Variants in TRPM2 observed in about 807,000 individuals in gnomAD.
The protein encoded by TRPM2 is transient receptor potential cation channel subfamily M member 2, also known as estrogen-responsive element-associated gene 1 protein.
TRPM2 carries 161 observed loss-of-function variants against 174.0 expected under a neutral mutation model. The observed-to-expected ratio is 0.93, with a 90% CI of 0.81 to 1.05. The LOEUF (loss-of-function observed/expected upper bound fraction) is 1.05. Ranked by LOEUF, TRPM2 falls within the 50% of genes least tolerant of loss-of-function variation. The pLI, the probability that TRPM2 is intolerant of heterozygous loss-of-function variation, is 0.00. For missense variants in TRPM2, 2,057 were observed against 2,038.0 expected, an observed-to-expected ratio of 1.01 and a Z score of -0.18; for synonymous variants, 954 against 861.3, an observed-to-expected ratio of 1.11 and a Z score of -1.88.
intron 24 of TRPM2, 183 bp from the exon 25 acceptor site, chr21:44,425,487 C>T (rs1340115070): frequency 4.4e-5 from 27 of 609,294 alleles, no homozygotes; most frequent in Non-Finnish European, 1.8e-5. Flanking sequence ...GCTCCCGTGG[C>T]TGTCCTCCCT....
At chr21:44,350,563 G>A (rs2047913193), upstream of TRPM2, among the ~76,000 whole-genome samples, 1 of 142,424 alleles carries the variant, frequency 7.0e-6, no homozygotes, top group African/African-American at 2.6e-5. Context: ...GGGCGCTGGT[G>A]CAGGGCACGG....
intron 9 of TRPM2, among the ~76,000 whole-genome samples, chr21:44,383,580 C>G (rs1374103249): frequency 6.6e-6 from 1 of 152,202 alleles, no homozygotes; most frequent in Non-Finnish European, 1.5e-5. Flanking sequence ...AAACCTCACA[C>G]AAACAGCGAG....
In TRPM2 at chr21:44,439,464, T is replaced by C. The variant is rs117622388; in HGVS notation, c.4269+296T>C. Among the ~76,000 whole-genome samples the C allele has an allele frequency of 2.6e-5, 4 of 152,244 alleles. No individual in the cohort carries two copies. Among genetic ancestry groups the C allele is most frequent in the Non-Finnish European group, 5.9e-5 (4 of 68,012 alleles). On this transcript the variant is annotated intron_variant, in intron 30 of 31. Transcript: ENST00000397928. This position sits in a 1 kb window ranked among gnomAD's most constrained non-coding sequence, Gnocchi z 5.1. ...CCTTGCTGCCTTCGAGTGTGACAGC[T>C]GCTTGGAGGCCTGGTGCCGCCCTCC... is the stretch of plus-strand genomic sequence containing the variant.
intron 15 of TRPM2, among the ~76,000 whole-genome samples, 163 bp from the exon 16 acceptor site, chr21:44,401,518 C>G (rs562156244): frequency 6.6e-6 from 1 of 152,282 alleles, no homozygotes; most frequent in South Asian, 2.1e-4. Flanking sequence ...GCTGTGCCGG[C>G]TCCGCCTGTA....
At chr21:44,428,452 G>C in intron 27 of TRPM2, among the ~76,000 whole-genome samples, 1 of 138,660 alleles carries the variant, frequency 7.2e-6, no homozygotes, top group South Asian at 2.3e-4. Context: ...CTTAGGTCTG[G>C]CCCCTCCCCT....
At chr21:44,402,993 G>A (rs562278562) in intron 16 of TRPM2, among the ~76,000 whole-genome samples, 20 of 152,268 alleles carry the variant, frequency 1.3e-4, no homozygotes, top group East Asian at 3.9e-4. Context: ...GGGAGGCACC[G>A]GCGTCCCCAG....
chr21:44,423,248 A>G (rs11088951), intron 22 of TRPM2: 218,762 of 224,146 alleles, frequency 0.98, 106,929 homozygotes, highest in Non-Finnish European at 1. Context: ...AAATAAGACA[A>G]AAACCAAATA....
Position 44,423,676 on chromosome 21 carries a change from G to A in TRPM2, c.3493G>A (p.Asp1165Asn). The change falls in exon 23 of 32, where the codon GAC becomes AAC. Residue 1165 changes from aspartate (D) to asparagine (N), a missense_variant. Transcript: ENST00000397928. ...CGCCATGGTGGACCTGCTGGACCTG[G>A]ACCCACTGAAGAGGTCGGGCTCCAT... Reference protein sequence around the residue: ...VDAMVDLLDLDPLKRSGSMEQ... With the variant: ...VDAMVDLLDLNPLKRSGSMEQ... 1 of 1,613,072 alleles carries A rather than the reference G, an allele frequency of 6.2e-7. No individual in the cohort carries two copies. Among genetic ancestry groups the A allele is most frequent in the Non-Finnish European group, 8.5e-7 (1 of 1,179,842 alleles).
At position 44,379,149 on chromosome 21, in the gene TRPM2, G is replaced by C. The variant is rs769781395; in HGVS notation, c.1167G>C (p.Glu389Asp). ...IQQKLSVFFQ[E>D]MFETFTESRI... The stretch of plus-strand genomic sequence containing the variant: ...AGAAACTGAGCGTGTTCTTCCAGGA[G>C]ATGTTTGAGACCTTCACGGAAAGCA... The change falls in exon 8 of 32, where the codon GAG (glutamate) becomes GAC (aspartate). Residue 389 changes from glutamate (E) to aspartate (D), a missense_variant. Coordinates refer to ENST00000397928, the MANE Select transcript of TRPM2 (RefSeq NM_003307.4). 5 of 1,613,616 alleles carry C rather than the reference G, an allele frequency of 3.1e-6. No homozygotes were observed. Among genetic ancestry groups the C allele is most frequent in the Non-Finnish European group, 2.5e-6 (3 of 1,180,046 alleles).
Position 44,399,423 on chromosome 21 carries a change from G to GTC in TRPM2, c.2193_2194dup (p.His732LeufsTer9), listed in dbSNP as rs1461578911. The GTC allele has an allele frequency of 6.2e-7, 1 of 1,612,080 alleles. No individual in the cohort carries two copies. The highest frequency in any genetic ancestry group is 8.5e-7 in the Non-Finnish European group (1 of 1,179,614). ...TGGAGGCCAAGGACATGAAGTTTGT[G>GTC]TCTCACGGGGGCATCCAGGTGACCT... On this transcript the variant is annotated frameshift_variant, in exon 14 of 32. Coordinates refer to ENST00000397928, the MANE Select transcript of TRPM2 (RefSeq NM_003307.4). LOFTEE classifies it high-confidence loss of function. The surrounding 1 kb of genome is among the most constrained non-coding windows in gnomAD (Gnocchi z 4.6).
At chr21:44,434,816 G>A (rs1354975321) in intron 27 of TRPM2, among the ~76,000 whole-genome samples, 1 of 152,100 alleles carries the variant, frequency 6.6e-6, no homozygotes, top group African/African-American at 2.4e-5. Flanking sequence ...CCGAGCAGTC[G>A]GCCAGTTCCA....
In TRPM2 at chr21:44,378,978, ACC is replaced by A; in HGVS notation, c.1015-15_1015-14del. 3 of 1,598,836 alleles carry A rather than the reference ACC, an allele frequency of 1.9e-6. No individual in the cohort carries two copies. Among genetic ancestry groups the A allele is most frequent in the African/African-American group, 1.3e-5 (1 of 74,826 alleles). ...GGTGAGGACCCAGTCCCGGGCTCAC[ACC>A]CCCACCTGCCTTGCAGACCATCGAC... On this transcript the variant is annotated splice_polypyrimidine_tract_variant and intron_variant, in intron 7 of 31. Coordinates refer to ENST00000397928, the MANE Select transcript of TRPM2 (RefSeq NM_003307.4).
Position 44,366,320 on chromosome 21 carries a change from G to T in TRPM2, c.424-434G>T, listed in dbSNP as rs954422013. On this transcript the variant is annotated intron_variant, in intron 3 of 31. Coordinates refer to ENST00000397928, the MANE Select transcript of TRPM2 (RefSeq NM_003307.4). This position sits in a 1 kb window ranked among gnomAD's most constrained non-coding sequence, Gnocchi z 6.0. Reference sequence around the variant, plus strand: ...AGGGGACAGGAGAGGGGACAGGAGAGGGGGCAGTGCTGGGTGCACAAGGAC... The same window carrying T: ...AGGGGACAGGAGAGGGGACAGGAGATGGGGCAGTGCTGGGTGCACAAGGAC... Among the ~76,000 whole-genome samples the T allele has an allele frequency of 6.6e-6, 1 of 150,684 alleles. No individual in the cohort carries two copies. Among genetic ancestry groups the T allele is most frequent in the Non-Finnish European group, 1.5e-5 (1 of 67,936 alleles).
chr21:44,404,073 A>G (rs2049754666), intron 16 of TRPM2, among the ~76,000 whole-genome samples: 1 of 152,188 alleles, frequency 6.6e-6, no homozygotes, highest in Admixed American at 6.5e-5. Flanking sequence ...ATGCACATGA[A>G]CAAACATGTA....
rs752291631 is a variant in TRPM2 at position 44,399,272 on chromosome 21, C to T, written c.2063-24C>T. ...CAGTGATTGTGACCTGCTGCTCTGA[C>T]GGGGCTCTCATATCTCCGCCCAGGG... On this transcript the variant is annotated intron_variant, in intron 13 of 31. Transcript: ENST00000397928. The surrounding 1 kb of genome is among the most constrained non-coding windows in gnomAD (Gnocchi z 4.6). 3.9e-5 allele frequency: 63 copies of T among 1,602,812 alleles called. No individual in the cohort carries two copies. Among genetic ancestry groups the T allele is most frequent in the Admixed American group, 1.3e-4 (8 of 59,344 alleles).
chr21:44,435,480 G>A (rs1012701225), intron 28 of TRPM2, among the ~76,000 whole-genome samples: 6 of 151,914 alleles, frequency 3.9e-5, no homozygotes, highest in South Asian at 2.1e-4. Context: ...CTTTCCTGCC[G>A]GTCCCTGCCC....
intron 25 of TRPM2, 101 bp downstream of exon 25, chr21:44,425,928 C>G: frequency 7.6e-7 from 1 of 1,312,238 alleles, no homozygotes; most frequent in Non-Finnish European, 9.9e-7. Flanking sequence ...TGGCTCCCAG[C>G]CACTGCAGCC....
In TRPM2 at chr21:44,438,097, G is replaced by A. The variant is rs1351920097; in HGVS notation, c.4167+930G>A. ...CAGTGCCACAAGGGCCTCTGGGCAGGAACGGGGACTCCGGAGCCCAGGCCC... is the reference window on the plus strand; with the variant it reads ...CAGTGCCACAAGGGCCTCTGGGCAGAAACGGGGACTCCGGAGCCCAGGCCC... On this transcript the variant is annotated intron_variant, in intron 29 of 31. Coordinates refer to ENST00000397928, the MANE Select transcript of TRPM2 (RefSeq NM_003307.4). This position sits in a 1 kb window ranked among gnomAD's most constrained non-coding sequence, Gnocchi z 5.9. Among the ~76,000 whole-genome samples the A allele has an allele frequency of 1.3e-5, 2 of 152,262 alleles. No individual in the cohort carries two copies. Among genetic ancestry groups the A allele is most frequent in the Non-Finnish European group, 2.9e-5 (2 of 68,048 alleles).
intron 28 of TRPM2, among the ~76,000 whole-genome samples, chr21:44,436,640 T>C (rs113907094): frequency 0.022 from 2,277 of 103,044 alleles, 78 homozygotes; most frequent in African/African-American, 0.08. Context: ...CACCCCCAGG[T>C]GGCCCTCGGC....
Sources: gnomAD v4.1 joint callset for allele counts (sites outside exome capture counted in the v4.1 genomes callset) on GRCh38, gnomAD v4.1.1 for gene constraint, Gnocchi (gnomAD v3.1) non-coding constraint, MANE v1.5 for transcripts, NCBI Gene and HGNC (gene_info 2026-07-23, HGNC 2026-07-21) for gene names.